The following PFKFB3 variants were observed in gnomAD, a reference collection of about 807,000 sequenced individuals.
PFKFB3 encodes 6-phosphofructo-2-kinase/fructose-2,6-biphosphatase 3, also known as 6-phosphofructo-2-kinase/fructose-2,6-bisphosphatase 3.
In PFKFB3, 33 loss-of-function variants were observed where a neutral mutation model predicts 68.0. That is an observed-to-expected ratio of 0.49 (90% CI 0.37 to 0.65). The LOEUF (loss-of-function observed/expected upper bound fraction) is 0.65, where lower values mean the gene tolerates loss of function less well. PFKFB3 is among the 30% of genes least tolerant of loss of function. The pLI, the probability that PFKFB3 is intolerant of heterozygous loss-of-function variation, is 0.00. For synonymous variants in PFKFB3, 315 were observed against 288.2 expected (o/e 1.09, Z -0.94); for missense variants, 586 against 712.2 (o/e 0.82, Z 2.02).
intron 1 of PFKFB3, among the ~76,000 whole-genome samples, chr10:6,176,679 C>G (rs1455400968): frequency 3.3e-5 from 5 of 152,206 alleles, no homozygotes; most frequent in African/African-American, 1.2e-4. Context: ...CACCACCACA[C>G]CCGGCCTCCA....
chr10:6,146,050 G>T (rs150280344), intron 1 of PFKFB3, among the ~76,000 whole-genome samples: 1 of 152,124 alleles, frequency 6.6e-6, no homozygotes, highest in Non-Finnish European at 1.5e-5. Flanking sequence ...GGGTTGGGAG[G>T]GGTTGAGTTC....
chr10:6,239,212 A>G (rs1321620220), downstream of PFKFB3, among the ~76,000 whole-genome samples: 1 of 152,194 alleles, frequency 6.6e-6, no homozygotes, highest in Non-Finnish European at 1.5e-5. Context: ...CCGCTGTGGT[A>G]GTTATTCATC....
intron 1 of PFKFB3, among the ~76,000 whole-genome samples, chr10:6,206,926 CA>C (rs1238690332): frequency 6.4e-5 from 9 of 141,230 alleles, no homozygotes; most frequent in Admixed American, 7.2e-5. Flanking sequence ...GATGGGCGGC[CA>C]GGCAGAGACA....
At chr10:6,207,319 C>T (rs569909928) in intron 1 of PFKFB3, among the ~76,000 whole-genome samples, 1 of 152,222 alleles carries the variant, frequency 6.6e-6, no homozygotes, top group Non-Finnish European at 1.5e-5. Context: ...CTCCTGCAAT[C>T]GCAGGCACTC....
chr10:6,220,858 G>A lies in PFKFB3; in HGVS notation c.824G>A (p.Gly275Asp), dbSNP rs771195007. Residue 275 changes from glycine to aspartate, a missense_variant, in exon 8 of 15, where the codon GGC becomes GAC. By Grantham distance (94) the Gly-to-Asp change is moderately conservative. Coordinates refer to ENST00000379775, the MANE Select transcript of PFKFB3 (RefSeq NM_004566.4). This position sits in a 1 kb window ranked among gnomAD's most constrained non-coding sequence, Gnocchi z 4.1. ...IGGDSGLSSR[G>D]KKFASALSKF... Reference sequence around the variant, plus strand: ...GGCGACTCAGGCCTGTCCAGCCGGGGCAAGAAGGTGCGGGGTGTGCTGCCG... The same window carrying A: ...GGCGACTCAGGCCTGTCCAGCCGGGACAAGAAGGTGCGGGGTGTGCTGCCG... The A allele has an allele frequency of 6.2e-7, 1 of 1,610,872 alleles. No individual in the cohort carries two copies. Among genetic ancestry groups the A allele is most frequent in the Non-Finnish European group, 8.5e-7 (1 of 1,179,952 alleles).
the PFKFB3 span, among the ~76,000 whole-genome samples, chr10:6,300,703 G>A: frequency 6.6e-6 from 1 of 152,188 alleles, no homozygotes; most frequent in African/African-American, 2.4e-5. Flanking sequence ...CCTTAGCAAA[G>A]CCAGTCTCGC....
chr10:6,157,214 C>T (rs1168647540), intron 1 of PFKFB3, among the ~76,000 whole-genome samples: 1 of 151,074 alleles, frequency 6.6e-6, no homozygotes, highest in African/African-American at 2.4e-5. Context: ...GTGTCTGAAT[C>T]TGTAAATAGT....
the PFKFB3 span, among the ~76,000 whole-genome samples, chr10:6,279,331 G>A: frequency 2.6e-5 from 4 of 152,196 alleles, no homozygotes; most frequent in East Asian, 3.9e-4. Context: ...ATCTAACATC[G>A]TATGCATATT....
intron 6 of PFKFB3, among the ~76,000 whole-genome samples, chr10:6,217,474 C>G (rs753548348): frequency 1.3e-5 from 2 of 152,200 alleles, no homozygotes; most frequent in African/African-American, 4.8e-5. Flanking sequence ...GTGGCAGGAG[C>G]CTGACAGCTA....
intron 1 of PFKFB3, among the ~76,000 whole-genome samples, chr10:6,180,797 ATTCTGTG>A (rs1162105660): frequency 6.6e-6 from 1 of 152,168 alleles, no homozygotes; most frequent in African/African-American, 2.4e-5. Context: ...AATGTATGCA[ATTCTGTG>A]TTCTGAGTGC....
chr10:6,266,128 C>G, the PFKFB3 span, among the ~76,000 whole-genome samples: 1 of 152,126 alleles, frequency 6.6e-6, no homozygotes, highest in Non-Finnish European at 1.5e-5. Context: ...AGGCTGGTCT[C>G]AAACTCTTGG....
intron 1 of PFKFB3, among the ~76,000 whole-genome samples, chr10:6,205,779 A>ATTATTTATTTATTTATTTAT (rs57825789): frequency 2.7e-5 from 4 of 146,176 alleles, no homozygotes; most frequent in East Asian, 4.1e-4. Flanking sequence ...CCTGAGGTTT[A>ATTATTTATTTATTTATTTAT]TTATTTATTT....
intron 1 of PFKFB3, among the ~76,000 whole-genome samples, chr10:6,170,510 C>G (rs143574601): frequency 0.01 from 1,569 of 152,318 alleles, 11 homozygotes; most frequent in Non-Finnish European, 0.016. Context: ...GAGTTTGAGA[C>G]TGGCCTGGGC....
the PFKFB3 span, among the ~76,000 whole-genome samples, chr10:6,291,499 C>G: frequency 6.8e-6 from 1 of 146,804 alleles, no homozygotes; most frequent in East Asian, 2.0e-4. Flanking sequence ...TTGCATTGAG[C>G]AGAGATTGTG....
At chr10:6,250,565 G>A (rs778563168) in intron 14 of PFKFB3, among the ~76,000 whole-genome samples, 2 of 137,688 alleles carry the variant, frequency 1.5e-5, no homozygotes, top group African/African-American at 5.8e-5. Flanking sequence ...AGCGAGACTC[G>A]GTCTCAAAAA....
intron 1 of PFKFB3, chr10:6,197,715 T>A (rs570099251): frequency 1.3e-5 from 2 of 152,294 alleles, no homozygotes; most frequent in African/African-American, 4.8e-5. Context: ...GTCGTCTTCA[T>A]GTTGAGTAGA....
At chr10:6,242,535 G>T (rs891881593) in intron 14 of PFKFB3, among the ~76,000 whole-genome samples, 1 of 151,946 alleles carries the variant, frequency 6.6e-6, no homozygotes, top group African/African-American at 2.4e-5. Context: ...GTGTGCAGGC[G>T]AACCTGTGGG....
intron 1 of PFKFB3, chr10:6,145,072 C>A: frequency 7.9e-7 from 1 of 1,258,654 alleles, no homozygotes; most frequent in Non-Finnish European, 1.0e-6. Flanking sequence ...TGAGCGGCCG[C>A]CTGTGGGTAC....
At chr10:6,259,582 T>TCCATCCATC, downstream of PFKFB3, among the ~76,000 whole-genome samples, 1 of 135,078 alleles carries the variant, frequency 7.4e-6, no homozygotes, top group African/African-American at 2.8e-5. Context: ...ATCCATCCAC[T>TCCATCCATC]CATCCATCCA....
Sources: allele counts gnomAD v4.1 joint callset (sites outside exome capture counted in the v4.1 genomes callset), GRCh38; gene constraint gnomAD v4.1.1; non-coding constraint Gnocchi (gnomAD v3.1); transcripts MANE v1.5; gene names NCBI Gene and HGNC (gene_info 2026-07-23, HGNC 2026-07-21).